GLYATL2: variants seen among roughly 807,000 people sequenced by gnomAD.
The protein encoded by GLYATL2 is glycine N-acyltransferase-like protein 2.
Under a neutral mutation model 21.4 loss-of-function variants are expected in GLYATL2, and 25 were observed. The observed-to-expected ratio is 1.17, with a 90% CI of 0.85 to 1.63. The LOEUF (loss-of-function observed/expected upper bound fraction) is 1.63, where lower values mean the gene tolerates loss of function less well. Among genes scored for constraint, GLYATL2 ranks in the 40% most tolerant of loss-of-function variants. The pLI is 0.00. For synonymous variants in GLYATL2, 114 were observed against 118.2 expected (o/e 0.96, Z 0.23); for missense variants, 361 against 343.3 (o/e 1.05, Z -0.41).
At chr11:58,845,604 T>TA (rs1031483945), upstream of GLYATL2, among the ~76,000 whole-genome samples, 4 of 151,366 alleles carry the variant, frequency 2.6e-5, no homozygotes, top group South Asian at 2.1e-4. Context: ...TATCTCTAAT[T>TA]AAAAAAAAAT....
intron 1 of GLYATL2, among the ~76,000 whole-genome samples, chr11:58,902,705 C>T (rs764686859): frequency 6.6e-5 from 10 of 152,162 alleles, no homozygotes; most frequent in East Asian, 5.8e-4. Flanking sequence ...AATGACCCAA[C>T]GACCAGTTAC....
intron 1 of GLYATL2, among the ~76,000 whole-genome samples, chr11:58,885,202 A>C (rs1334218351): frequency 6.6e-6 from 1 of 152,240 alleles, no homozygotes; most frequent in African/African-American, 2.4e-5. Flanking sequence ...GACAAGTGCC[A>C]AGCTAGTGCA....
In GLYATL2 at chr11:58,881,590, T is replaced by A. The variant is rs190537706; in HGVS notation, n.60+22566A>T. ...TCAAAACTGTTTTTAGAAGGCTGAT[T>A]TTTTTTTATTATTATACTTTAAGTT... On this transcript the variant is annotated intron_variant and non_coding_transcript_variant, in intron 1 of 4. Coordinates refer to the GLYATL2 transcript ENST00000533636. Among the ~76,000 whole-genome samples, 978 of 152,112 alleles carry A rather than the reference T, an allele frequency of 6.4e-3. 2 individuals are homozygous for A. Among genetic ancestry groups the A allele is most frequent in the Non-Finnish European group, 0.012 (785 of 67,994 alleles).
At chr11:58,879,213 A>T (rs1156984678) in intron 1 of GLYATL2, among the ~76,000 whole-genome samples, 1 of 152,120 alleles carries the variant, frequency 6.6e-6, no homozygotes, top group Non-Finnish European at 1.5e-5. Context: ...AATAAAAAAC[A>T]TGTGAATGGT....
chr11:58,845,740 A>G (rs1324606855), upstream of GLYATL2, among the ~76,000 whole-genome samples: 1 of 152,212 alleles, frequency 6.6e-6, no homozygotes, highest in Non-Finnish European at 1.5e-5. Context: ...GTCTTCCCCC[A>G]GGTCACAAAA....
In GLYATL2 at chr11:58,893,879, C is replaced by A. The variant is rs75080638; in HGVS notation, n.60+10277G>T. 5.4e-3 allele frequency among the ~76,000 whole-genome samples: 815 copies of A among 152,160 alleles called. 9 individuals are homozygous for A. Among genetic ancestry groups the A allele is most frequent in the African/African-American group, 0.019 (785 of 41,496 alleles). Reference sequence around the variant, plus strand: ...ATGGATACTTTATTTTAAATAAATACCCCTGTTTATGGATTTATGAGGCAA... The same window carrying A: ...ATGGATACTTTATTTTAAATAAATAACCCTGTTTATGGATTTATGAGGCAA... On this transcript the variant is annotated intron_variant and non_coding_transcript_variant, in intron 1 of 4. Coordinates refer to the GLYATL2 transcript ENST00000533636.
chr11:58,836,574 T>A (rs994664380), intron 5 of GLYATL2, among the ~76,000 whole-genome samples: 1 of 152,204 alleles, frequency 6.6e-6, no homozygotes, highest in Non-Finnish European at 1.5e-5. Context: ...AAAGTGTGTA[T>A]GTGTTGTAAA....
At position 58,844,547 on chromosome 11, in the gene GLYATL2, T is replaced by G. The variant is rs949975583; in HGVS notation, c.-154A>C. The stretch of plus-strand genomic sequence containing the variant: ...GGACTGAAACACAATAAAATTCAAC[T>G]GACTCACGTTGTCACTGTTAAGCAT... On this transcript the variant is annotated 5_prime_UTR_variant, in exon 1 of 6. Transcript: ENST00000287275. The G allele has an allele frequency of 2.0e-5, 3 of 152,218 alleles. No individual in the cohort carries two copies. The highest frequency in any genetic ancestry group is 4.4e-5 in the Non-Finnish European group (3 of 68,040). The allele number at this position is 152,218 out of a possible 1,614,324, so 9.4% of individuals were successfully genotyped here.
chr11:58,883,826 C>G (rs554225607), intron 1 of GLYATL2, among the ~76,000 whole-genome samples: 182 of 152,242 alleles, frequency 1.2e-3, no homozygotes, highest in African/African-American at 4.1e-3. Flanking sequence ...CAATAAAATA[C>G]CAGCAAACCG....
At chr11:58,851,082 C>G (rs995628442) in intron 1 of GLYATL2, among the ~76,000 whole-genome samples, 2 of 152,172 alleles carry the variant, frequency 1.3e-5, no homozygotes, top group Admixed American at 6.5e-5. Flanking sequence ...CTCACGTGAC[C>G]TTATCAATCA....
At chr11:58,875,065 A>G (rs1395623921) in intron 1 of GLYATL2, among the ~76,000 whole-genome samples, 3 of 151,792 alleles carry the variant, frequency 2.0e-5, no homozygotes, top group Non-Finnish European at 2.9e-5. Context: ...GTCTCTTTTG[A>G]TCTTTGTTGG....
At chr11:58,840,282 T>C (rs1464601114) in intron 1 of GLYATL2, among the ~76,000 whole-genome samples, 1 of 152,158 alleles carries the variant, frequency 6.6e-6, no homozygotes, top group Non-Finnish European at 1.5e-5. Flanking sequence ...TTTTATTCAG[T>C]AATTCCACAT....
intron 1 of GLYATL2, among the ~76,000 whole-genome samples, chr11:58,891,073 C>T (rs974964012): frequency 2.0e-5 from 3 of 152,074 alleles, no homozygotes; most frequent in Admixed American, 6.6e-5. Flanking sequence ...TTTAAAACAT[C>T]TACTCTTTTA....
At chr11:58,907,348 G>T (rs1372069168), upstream of GLYATL2, 2 of 456,112 alleles carry the variant, frequency 4.4e-6, no homozygotes, top group Admixed American at 2.3e-5. Flanking sequence ...CCTTCCTTGC[G>T]ACACTGGCCT....
At chr11:58,902,338 C>G (rs578129793) in intron 1 of GLYATL2, among the ~76,000 whole-genome samples, 1 of 152,164 alleles carries the variant, frequency 6.6e-6, no homozygotes, top group Non-Finnish European at 1.5e-5. Flanking sequence ...TCAGTCCTTC[C>G]TGCCACTTCT....
intron 1 of GLYATL2, among the ~76,000 whole-genome samples, chr11:58,898,194 G>A (rs1305622721): frequency 1.8e-5 from 2 of 112,978 alleles, no homozygotes; most frequent in Admixed American, 8.2e-5. Flanking sequence ...CCAATAAGAC[G>A]ACATCTTCCA....
intron 1 of GLYATL2, among the ~76,000 whole-genome samples, chr11:58,872,169 A>G (rs1326468170): frequency 1.3e-5 from 2 of 152,140 alleles, no homozygotes; most frequent in Non-Finnish European, 2.9e-5. Flanking sequence ...AGTTCATTGT[A>G]GATTCTGGAT....
chr11:58,900,029 C>A (rs184070242), intron 1 of GLYATL2, among the ~76,000 whole-genome samples: 18 of 152,072 alleles, frequency 1.2e-4, no homozygotes, highest in Admixed American at 3.3e-4. Flanking sequence ...GGGGGGAGAT[C>A]GAAACCATGC....
At position 58,834,501 on chromosome 11, in the gene GLYATL2, C is replaced by T; in HGVS notation, c.813G>A (p.Leu271=). The change falls in exon 6 of 6, where the codon CTG becomes CTA. Residue 271 remains leucine, a synonymous_variant. Transcript: ENST00000287275. The stretch of plus-strand genomic sequence containing the variant: ...GACAAATCTTAAACCCCAAATTGTT[C>T]AGTGCCTGTAGGCTTTTCTCATTAT... ...ADNNEKSLQA[L]NNLGFKICPC... is the part of the protein sequence containing the mutation. 1 of 1,613,306 alleles carries T rather than the reference C, an allele frequency of 6.2e-7. No homozygotes were observed. Among genetic ancestry groups the T allele is most frequent in the Non-Finnish European group, 8.5e-7 (1 of 1,179,684 alleles).
Sources: allele counts gnomAD v4.1 joint callset (sites outside exome capture counted in the v4.1 genomes callset), GRCh38; gene constraint gnomAD v4.1.1; transcripts MANE v1.5; gene names NCBI Gene and HGNC (gene_info 2026-07-23, HGNC 2026-07-21).